Variants in CA4 observed in about 807,000 individuals in gnomAD.
CA4 encodes the protein carbonic anhydrase 4.
In CA4, 24 loss-of-function variants were observed where a neutral mutation model predicts 34.5. The observed-to-expected ratio is 0.70, with a 90% CI of 0.50 to 0.98. The LOEUF (loss-of-function observed/expected upper bound fraction) is 0.98, where lower values mean the gene tolerates loss of function less well. Among genes scored for constraint, CA4 ranks in the 50% least tolerant of loss-of-function variants. CA4 has a pLI of 0.00. For missense variants in CA4, 394 were observed against 396.7 expected (o/e 0.99, Z 0.06); for synonymous variants, 178 against 170.6 (o/e 1.04, Z -0.34).
chr17:60,155,790 C>T (rs1327256166), intron 2 of CA4, among the ~76,000 whole-genome samples: 1 of 152,198 alleles, frequency 6.6e-6, no homozygotes, highest in African/African-American at 2.4e-5. Flanking sequence ...GGCATGTTCC[C>T]TGTGGAATAA....
In CA4 at chr17:60,159,338, G is replaced by A. The variant is rs769821291; in HGVS notation, c.853G>A (p.Gly285Arg). 201 of 1,608,830 alleles carry A rather than the reference G, an allele frequency of 1.2e-4. No homozygotes were observed. Among genetic ancestry groups the A allele is most frequent in the Non-Finnish European group, 1.6e-4 (194 of 1,177,856 alleles). ...QLGQRTVIKS[G>R]APGRPLPWAL... ...GGGGCAGCGCACGGTGATAAAGTCC[G>A]GGGCCCCGGGTCGGCCGCTGCCCTG... Residue 285 changes from glycine (G) to arginine (R), a missense_variant, in exon 8 of 8, where the codon GGG (glycine) becomes AGG (arginine). Coordinates refer to ENST00000300900, the MANE Select transcript of CA4 (RefSeq NM_000717.5).
At chr17:60,169,091 A>C (rs998132379) in intron 5 of CA4, among the ~76,000 whole-genome samples, 1 of 152,050 alleles carries the variant, frequency 6.6e-6, no homozygotes, top group African/African-American at 2.4e-5. Context: ...TACTAAAAAT[A>C]TAAAAATTAG....
chr17:60,157,823 G>T, intron 5 of CA4, 35 bp downstream of exon 5: 1 of 1,581,676 alleles, frequency 6.3e-7, no homozygotes, highest in Non-Finnish European at 8.7e-7. Flanking sequence ...CGGGGAACCC[G>T]GGGCTGAGAG....
intron 5 of CA4, among the ~76,000 whole-genome samples, chr17:60,166,323 G>T (rs1401782140): frequency 6.6e-6 from 1 of 152,094 alleles, no homozygotes; most frequent in African/African-American, 2.4e-5. Flanking sequence ...TAGCCAGGCT[G>T]GTCTTAAACT....
intron 1 of CA4, among the ~76,000 whole-genome samples, chr17:60,150,959 A>C (rs188386920): frequency 2.8e-4 from 42 of 152,272 alleles, no homozygotes; most frequent in African/African-American, 1.0e-3. Context: ...CGGAGCCCCA[A>C]GGCCTCTGCG....
At chr17:60,176,762 G>A in the CA4 span, among the ~76,000 whole-genome samples, 2 of 152,128 alleles carry the variant, frequency 1.3e-5, no homozygotes, top group Admixed American at 6.5e-5. Flanking sequence ...GACTGGTGTT[G>A]TGGAAGACAA....
the CA4 span, among the ~76,000 whole-genome samples, chr17:60,177,756 C>G: frequency 1.3e-5 from 2 of 152,192 alleles, no homozygotes; most frequent in Admixed American, 1.3e-4. Flanking sequence ...GATAACCTTT[C>G]CAAATGCTCT....
At chr17:60,156,152 T>C (rs1044095444) in intron 2 of CA4, among the ~76,000 whole-genome samples, 6 of 152,124 alleles carry the variant, frequency 3.9e-5, no homozygotes, top group African/African-American at 7.2e-5. Context: ...GCCCTCTCCA[T>C]CCACCTCCTT....
the CA4 span, among the ~76,000 whole-genome samples, chr17:60,178,312 A>G: frequency 1.3e-5 from 2 of 152,216 alleles, no homozygotes; most frequent in Non-Finnish European, 2.9e-5. Context: ...AAGAACAACC[A>G]CTAATTGTGA....
At chr17:60,151,038 C>A (rs1026770337) in intron 1 of CA4, among the ~76,000 whole-genome samples, 4 of 152,166 alleles carry the variant, frequency 2.6e-5, no homozygotes, top group African/African-American at 4.8e-5. Flanking sequence ...CTTAATTATT[C>A]CTCTAGGTGG....
downstream of CA4, among the ~76,000 whole-genome samples, chr17:60,164,127 A>C (rs1455118058): frequency 6.6e-6 from 1 of 151,036 alleles, no homozygotes; most frequent in African/African-American, 2.4e-5. Context: ...AAAAAAAAAA[A>C]CAAACGTAAT....
chr17:60,173,123 A>G (rs185400365), downstream of CA4, among the ~76,000 whole-genome samples: 265 of 152,340 alleles, frequency 1.7e-3, 2 homozygotes, highest in Middle Eastern at 6.8e-3. Context: ...AGCCTGGGCA[A>G]CAAGAGCGAA....
Position 60,150,106 on chromosome 17 carries a change from C to A in CA4, c.58+14C>A. The A allele has an allele frequency of 1.9e-6, 3 of 1,592,762 alleles. No homozygotes were observed. The highest frequency in any genetic ancestry group is 1.3e-5 in the African/African-American group (1 of 74,646). On this transcript the variant is annotated intron_variant, in intron 1 of 7. Coordinates refer to ENST00000300900, the MANE Select transcript of CA4 (RefSeq NM_000717.5). ...CGGCCAGTGCAGGTGAGCTCCCGGG[C>A]TCCGGCCCCAGGTGCCCCTCGGCGG...
At chr17:60,165,508 C>T (rs1342341820) in intron 5 of CA4, among the ~76,000 whole-genome samples, 4 of 152,148 alleles carry the variant, frequency 2.6e-5, no homozygotes, top group Admixed American at 2.0e-4. Context: ...AAGGGGCTCT[C>T]GGCCAGGGCT....
At chr17:60,175,668 C>CAAAAAAAAAAAAAA (rs150949660), downstream of CA4, among the ~76,000 whole-genome samples, 2 of 81,562 alleles carry the variant, frequency 2.5e-5, no homozygotes, top group African/African-American at 8.2e-5. Context: ...AACTCCGTCT[C>CAAAAAAAAAAAAAA]AAAAAAAAAA....
chr17:60,170,698 G>A (rs1220675773), exon 6 of CA4: 2 of 152,248 alleles, frequency 1.3e-5, no homozygotes, highest in South Asian at 2.1e-4. Context: ...CTCTCCTTAC[G>A]TAACAACACA....
chr17:60,158,704 C>T, intron 7 of CA4: 1 of 552,076 alleles, frequency 1.8e-6, no homozygotes, highest in Non-Finnish European at 3.3e-6. Flanking sequence ...ATGAACGAGG[C>T]TCTGGGGAGA....
At chr17:60,168,674 G>C in intron 5 of CA4, among the ~76,000 whole-genome samples, 1 of 152,130 alleles carries the variant, frequency 6.6e-6, no homozygotes, top group East Asian at 1.9e-4. Flanking sequence ...CTGGCCCCTG[G>C]TGTCCTGCCT....
Position 60,159,292 on chromosome 17 carries a change from T to C in CA4, c.807T>C (p.Asn269=), listed in dbSNP as rs142961963. The change falls in exon 8 of 8, where the codon AAT becomes AAC. Residue 269 remains asparagine, a synonymous_variant. Transcript: ENST00000300900. ...AACAGACAGTGAGCATGAAGGACAATGTCAGGCCCCTGCAGCAGCTGGGGC... is the reference window on the plus strand; with the variant it reads ...AACAGACAGTGAGCATGAAGGACAACGTCAGGCCCCTGCAGCAGCTGGGGC... The part of the protein sequence containing the change: ...DKEQTVSMKD[N]VRPLQQLGQR... 7.5e-4 allele frequency: 1,206 copies of C among 1,610,472 alleles called. 1 individual carries two copies. Among genetic ancestry groups the C allele is most frequent in the Non-Finnish European group, 9.7e-4 (1,146 of 1,178,338 alleles).
Sources: allele counts gnomAD v4.1 joint callset (sites outside exome capture counted in the v4.1 genomes callset), GRCh38; gene constraint gnomAD v4.1.1; transcripts MANE v1.5; gene names NCBI Gene and HGNC (gene_info 2026-07-23, HGNC 2026-07-21).